RUVBL1: variants seen among roughly 807,000 people sequenced by gnomAD.
RUVBL1 encodes RuvB like AAA ATPase 1.
RUVBL1 carries 4 observed loss-of-function variants against 52.4 expected under a neutral mutation model. The ratio of observed to expected loss-of-function variants is 0.08; its 90% CI spans 0.04 to 0.17. The LOEUF is 0.17. Among genes scored for constraint, RUVBL1 ranks in the 10% least tolerant of loss-of-function variants. The pLI, the probability that RUVBL1 is intolerant of heterozygous loss-of-function variation, is 1.00. For synonymous variants in RUVBL1, 217 were observed against 214.4 expected (o/e 1.01, Z -0.10); for missense variants, 298 against 572.8 (o/e 0.52, Z 4.90).
At chr3:128,122,314 C>G (rs148922210) in intron 1 of RUVBL1, among the ~76,000 whole-genome samples, 1 of 152,096 alleles carries the variant, frequency 6.6e-6, no homozygotes, top group Non-Finnish European at 1.5e-5. Flanking sequence ...GGGAGAGGGA[C>G]AGATGAAAAG....
chr3:128,125,005 C>CTTTTTTTTT (rs749620135), upstream of RUVBL1, among the ~76,000 whole-genome samples: 2 of 61,382 alleles, frequency 3.3e-5, no homozygotes, highest in Non-Finnish European at 5.6e-5. Context: ...CTCACACCGC[C>CTTTTTTTTT]TTTTTTTTTT....
chr3:128,145,556 G>A (rs141416572), intron 1 of RUVBL1, among the ~76,000 whole-genome samples: 132 of 152,336 alleles, frequency 8.7e-4, no homozygotes, highest in Admixed American at 3.8e-3. Flanking sequence ...GCGAGTGTTG[G>A]GGTGGGGTGG....
At chr3:128,074,600 T>G (rs1228411709) in intron 9 of RUVBL1, among the ~76,000 whole-genome samples, 1 of 152,104 alleles carries the variant, frequency 6.6e-6, no homozygotes, top group Non-Finnish European at 1.5e-5. Context: ...TCTGGCACTG[T>G]GGGAGGCCAA....
chr3:128,111,451 T>C (rs978489771), intron 3 of RUVBL1, among the ~76,000 whole-genome samples: 2 of 152,032 alleles, frequency 1.3e-5, no homozygotes, highest in Non-Finnish European at 1.5e-5. Context: ...CCTCGACTCC[T>C]CTCTTTCTTT....
chr3:128,107,926 G>C (rs561617905), intron 3 of RUVBL1, among the ~76,000 whole-genome samples: 4 of 152,294 alleles, frequency 2.6e-5, no homozygotes, highest in South Asian at 4.1e-4. Flanking sequence ...CCTCAAGGAG[G>C]GGAAGAAAGA....
intron 1 of RUVBL1, among the ~76,000 whole-genome samples, chr3:128,148,847 A>T (rs904955410): frequency 3.9e-5 from 6 of 152,218 alleles, no homozygotes; most frequent in African/African-American, 1.4e-4. Context: ...GTTCCCAAGT[A>T]GTGTACAAAC....
intron 1 of RUVBL1, among the ~76,000 whole-genome samples, chr3:128,150,755 C>T (rs144609957): frequency 5.0e-5 from 5 of 100,578 alleles, no homozygotes; most frequent in African/African-American, 1.6e-4. Context: ...TATATATTCT[C>T]TATATATTCT....
intron 4 of RUVBL1, among the ~76,000 whole-genome samples, chr3:128,103,783 C>T (rs1943162370): frequency 2.0e-5 from 3 of 152,308 alleles, no homozygotes; most frequent in Admixed American, 2.0e-4. Context: ...CACACATACA[C>T]ACACGCAAAC....
At chr3:128,132,492 G>C (rs974931615) in intron 1 of RUVBL1, among the ~76,000 whole-genome samples, 1 of 152,280 alleles carries the variant, frequency 6.6e-6, no homozygotes, top group Non-Finnish European at 1.5e-5. Flanking sequence ...CCTTCCTTCT[G>C]CTTGAGGAGA....
exon 10 of RUVBL1, chr3:128,065,073 T>C: frequency 6.2e-7 from 1 of 1,609,614 alleles, no homozygotes; most frequent in Non-Finnish European, 8.5e-7. Flanking sequence ...GTTTCCATGG[T>C]CTGGATTTAA....
chr3:128,150,982 TTCTA>T (rs1286992070), intron 1 of RUVBL1, among the ~76,000 whole-genome samples: 2 of 92,948 alleles, frequency 2.2e-5, no homozygotes, highest in African/African-American at 8.8e-5. Context: ...ATATTATATA[TTCTA>T]TATATATTAT....
chr3:128,140,230 TTG>T lies in RUVBL1; in HGVS notation c.-40+12971_-40+12972del, dbSNP rs1491546375. Among the ~76,000 whole-genome samples the T allele has an allele frequency of 1.5e-4, 13 of 84,458 alleles. 1 individual carries two copies. Among genetic ancestry groups the T allele is most frequent in the South Asian group, 8.9e-4 (2 of 2,242 alleles). 55.4% of individuals were successfully genotyped at this position (84,458 alleles called of 152,430 possible). A position where few individuals can be genotyped will look rare whatever the true frequency, so the allele number is the denominator to read the frequency against. On this transcript the variant is annotated intron_variant, in intron 1 of 9. Transcript: ENST00000464873. ...ATATGATACAAGTTTTTTTGTTTGT[TTG>T]TTTTTTTTTTTTTTGAGACGGAGTC...
chr3:128,067,954 C>T lies in RUVBL1; in HGVS notation c.940-2734G>A. 1 of 1,602,744 alleles carries T rather than the reference C, an allele frequency of 6.2e-7. No homozygotes were observed. Among genetic ancestry groups the T allele is most frequent in the Non-Finnish European group, 8.5e-7 (1 of 1,169,992 alleles). The stretch of plus-strand genomic sequence containing the variant: ...CCTATTTCCCCTTCAGCCTCCAATT[C>T]CAACTTCTCCCCTGTGGGCACCCTG... On this transcript the variant is annotated intron_variant, in intron 9 of 9. Coordinates refer to the RUVBL1 transcript ENST00000464873. The surrounding 1 kb of genome is among the most constrained non-coding windows in gnomAD (Gnocchi z 4.1).
At chr3:128,076,775 C>T (rs531946411), downstream of RUVBL1, among the ~76,000 whole-genome samples, 9 of 152,252 alleles carry the variant, frequency 5.9e-5, no homozygotes, top group South Asian at 1.9e-3. The surrounding 1 kb of genome is among the most constrained non-coding windows in gnomAD (Gnocchi z 6.8). Flanking sequence ...CGCATCCCGC[C>T]GTGTCCCCCG....
chr3:128,100,767 G>C, intron 5 of RUVBL1, 23 bp from the exon 6 acceptor site: 1 of 1,613,338 alleles, frequency 6.2e-7, no homozygotes, highest in African/African-American at 1.3e-5. Flanking sequence ...AGAAACATGA[G>C]TGCCTGGTAA....
chr3:128,098,274 T>C (rs1310130899), intron 7 of RUVBL1, among the ~76,000 whole-genome samples: 1 of 151,746 alleles, frequency 6.6e-6, no homozygotes, highest in African/African-American at 2.4e-5. Flanking sequence ...CCGAAAACCG[T>C]GTGAAAAGAA....
chr3:128,093,971 G>A (rs930162991), intron 8 of RUVBL1, among the ~76,000 whole-genome samples: 1 of 152,254 alleles, frequency 6.6e-6, no homozygotes, highest in South Asian at 2.1e-4. Flanking sequence ...TGCCTTGCTG[G>A]GTTCTCAGAG....
At chr3:128,146,779 G>T (rs139512880) in intron 1 of RUVBL1, among the ~76,000 whole-genome samples, 1 of 152,020 alleles carries the variant, frequency 6.6e-6, no homozygotes, top group Non-Finnish European at 1.5e-5. Flanking sequence ...GTCTCTGTGC[G>T]TGTGCACGTG....
intron 9 of RUVBL1, chr3:128,084,814 G>A (rs13100212): frequency 0.23 from 34,387 of 152,184 alleles, 3,958 homozygotes; most frequent in South Asian, 0.27. Context: ...TGAGGTTATC[G>A]CCTGGGCCAG....
Sources: gnomAD v4.1 joint callset for allele counts (sites outside exome capture counted in the v4.1 genomes callset) on GRCh38, gnomAD v4.1.1 for gene constraint, Gnocchi (gnomAD v3.1) non-coding constraint, MANE v1.5 for transcripts, NCBI Gene and HGNC (gene_info 2026-07-23, HGNC 2026-07-21) for gene names.